Variants in PCDH7 observed in about 807,000 individuals in gnomAD.
The protein encoded by PCDH7 is protocadherin 7.
A neutral mutation model predicts 58.9 loss-of-function variants in PCDH7; 17 were observed. The ratio of observed to expected loss-of-function variants is 0.29; its 90% CI spans 0.20 to 0.43. PCDH7 has a LOEUF of 0.43. Ranked by LOEUF, PCDH7 falls within the 20% of genes least tolerant of loss-of-function variation. The pLI, the probability that PCDH7 is intolerant of heterozygous loss-of-function variation, is 1.00. For missense variants in PCDH7, 1,274 were observed against 1,441.0 expected (o/e 0.88, Z 1.88); for synonymous variants, 664 against 616.4 (o/e 1.08, Z -1.14).
chr4:30,890,262 T>A (rs1738437886), intron 1 of PCDH7, among the ~76,000 whole-genome samples: 1 of 152,102 alleles, frequency 6.6e-6, no homozygotes, highest in Non-Finnish European at 1.5e-5. Context: ...GCATGCCAAG[T>A]GTGTCTGACT....
chr4:31,079,783 A>G (rs965377271), intron 3 of PCDH7, among the ~76,000 whole-genome samples: 8 of 152,046 alleles, frequency 5.3e-5, no homozygotes, highest in Non-Finnish European at 1.2e-4. Context: ...CCAAATGTCC[A>G]TTACCAGAAG....
intron 3 of PCDH7, among the ~76,000 whole-genome samples, chr4:30,981,094 G>A (rs1369186423): frequency 3.3e-5 from 5 of 152,146 alleles, no homozygotes; most frequent in African/African-American, 1.2e-4. Context: ...CACCCGCCTT[G>A]GCCTCCCAAA....
intron 3 of PCDH7, among the ~76,000 whole-genome samples, chr4:30,951,265 G>A (rs925234405): frequency 2.6e-5 from 4 of 152,058 alleles, no homozygotes; most frequent in South Asian, 4.2e-4. Flanking sequence ...CATTTTCACC[G>A]AACATTAAAA....
rs189001904 is a variant in PCDH7, at chr4:31,142,425, C to G, written c.*8-48C>G. 796 of 1,316,294 alleles carry G rather than the reference C, an allele frequency of 6.0e-4. 3 individuals carry two copies. Among genetic ancestry groups the G allele is most frequent in the Non-Finnish European group, 5.1e-4 (505 of 996,576 alleles). 81.5% of individuals were successfully genotyped at this position (1,316,294 alleles called of 1,614,324 possible). ...CTAATTTCATATAGATCAGGGGAGC[C>G]TGTTGAGGAGTGTCAAATACTAATG... On this transcript the variant is annotated intron_variant, in intron 3 of 3. Transcript: ENST00000509759.
At chr4:31,014,769 G>A (rs1486548398) in intron 3 of PCDH7, among the ~76,000 whole-genome samples, 3 of 151,988 alleles carry the variant, frequency 2.0e-5, no homozygotes, top group African/African-American at 4.8e-5. Context: ...TCTTAGAATT[G>A]GAGTATCATT....
intron 3 of PCDH7, among the ~76,000 whole-genome samples, chr4:31,030,630 A>T (rs1168630205): frequency 6.6e-6 from 1 of 152,216 alleles, no homozygotes; most frequent in African/African-American, 2.4e-5. Context: ...GTGAATTTCA[A>T]TTACTTATGG....
chr4:31,071,395 GA>G (rs887544777), intron 3 of PCDH7, among the ~76,000 whole-genome samples: 7 of 152,012 alleles, frequency 4.6e-5, no homozygotes, highest in South Asian at 2.1e-4. Context: ...GTTTAATTAA[GA>G]AAAAAATCTT....
In PCDH7 at chr4:30,821,712, G is replaced by A. The variant is rs138454113; in HGVS notation, c.70+97116G>A. On this transcript the variant is annotated intron_variant, in intron 1 of 3. Coordinates refer to the PCDH7 transcript ENST00000509759. Reference sequence around the variant, plus strand: ...AATAATCTTCAGTGATAAATGGTCTGTGTTCATGGGAACCCAGGGTTTTTA... The same window carrying A: ...AATAATCTTCAGTGATAAATGGTCTATGTTCATGGGAACCCAGGGTTTTTA... 2.3e-3 allele frequency among the ~76,000 whole-genome samples: 348 copies of A among 152,272 alleles called. 2 individuals carry two copies. The highest frequency in any genetic ancestry group is 7.7e-3 in the African/African-American group (321 of 41,558).
At chr4:31,071,178 T>G (rs897490663) in intron 3 of PCDH7, among the ~76,000 whole-genome samples, 1 of 152,048 alleles carries the variant, frequency 6.6e-6, no homozygotes, top group Non-Finnish European at 1.5e-5. Flanking sequence ...AATAGATTCT[T>G]TTTTAAAACT....
chr4:31,116,510 T>A (rs1463186119), intron 3 of PCDH7, among the ~76,000 whole-genome samples: 1 of 152,188 alleles, frequency 6.6e-6, no homozygotes, highest in Admixed American at 6.5e-5. Flanking sequence ...GGTGGCATTT[T>A]CGGTGGCACT....
intron 3 of PCDH7, among the ~76,000 whole-genome samples, chr4:31,097,566 G>T (rs1714198157): frequency 1.0e-5 from 1 of 100,472 alleles, no homozygotes; most frequent in Non-Finnish European, 2.0e-5. Flanking sequence ...TGTGAATGTG[G>T]CTGTTTTTCC....
chr4:30,835,667 T>G (rs1216815907), intron 1 of PCDH7, among the ~76,000 whole-genome samples: 1 of 152,072 alleles, frequency 6.6e-6, no homozygotes, highest in Non-Finnish European at 1.5e-5. Context: ...TTAATGATGA[T>G]TCTATCAGTT....
rs189669885 is a variant in PCDH7 at position 31,034,518 on chromosome 4, A to T, written c.*7+84303A>T. ...CTGAAAACACATTTTTACAATGAAG[A>T]CAACTAAAGCGTAGCCGCTCAGTAC... On this transcript the variant is annotated intron_variant, in intron 3 of 3. Coordinates refer to the PCDH7 transcript ENST00000509759. Among the ~76,000 whole-genome samples, 3 of 152,344 alleles carry T rather than the reference A, an allele frequency of 2.0e-5. No individual in the cohort carries two copies. The East Asian group carries it at 5.8e-4, about 29-fold the overall frequency.
intron 1 of PCDH7, among the ~76,000 whole-genome samples, chr4:30,871,383 C>G (rs1017022109): frequency 6.6e-6 from 1 of 152,032 alleles, no homozygotes; most frequent in African/African-American, 2.4e-5. Flanking sequence ...GAACCAACTG[C>G]TAGATCCTGT....
chr4:30,887,137 T>TA (rs939926807), intron 1 of PCDH7, among the ~76,000 whole-genome samples: 8 of 151,612 alleles, frequency 5.3e-5, no homozygotes, highest in African/African-American at 1.2e-4. Flanking sequence ...ATAATAATAA[T>TA]AAAAAAAAGC....
chr4:30,995,460 C>A (rs956494042), intron 3 of PCDH7, among the ~76,000 whole-genome samples: 2 of 151,378 alleles, frequency 1.3e-5, no homozygotes, highest in Admixed American at 6.6e-5. Flanking sequence ...TGCAGTGAGT[C>A]GAGATCGTGC....
intron 3 of PCDH7, among the ~76,000 whole-genome samples, chr4:31,056,645 A>G (rs1757277986): frequency 6.7e-6 from 1 of 148,720 alleles, no homozygotes; most frequent in South Asian, 2.3e-4. Context: ...GGAGAGAGAG[A>G]GAGAAAGAGA....
intron 3 of PCDH7, among the ~76,000 whole-genome samples, chr4:31,066,593 T>C (rs950655555): frequency 6.6e-6 from 1 of 151,890 alleles, no homozygotes; most frequent in Non-Finnish European, 1.5e-5. Flanking sequence ...TGAGCTCTAT[T>C]AATCTGTTCT....
intron 3 of PCDH7, among the ~76,000 whole-genome samples, chr4:31,083,106 TCAAAAACAAAAA>T (rs1223986558): frequency 7.9e-5 from 12 of 151,956 alleles, no homozygotes; most frequent in South Asian, 6.2e-4. Context: ...AGACTCCATC[TCAAAAACAAAAA>T]CAAAAACAAA....
Sources: gnomAD v4.1 joint callset for allele counts (sites outside exome capture counted in the v4.1 genomes callset) on GRCh38, gnomAD v4.1.1 for gene constraint, MANE v1.5 for transcripts, NCBI Gene and HGNC (gene_info 2026-07-23, HGNC 2026-07-21) for gene names.